THADA: variants seen among roughly 807,000 people sequenced by gnomAD.
THADA encodes the protein THADA armadillo repeat containing, also known as tRNA (32-2'-O)-methyltransferase regulator THADA.
Under a neutral mutation model 219.8 loss-of-function variants are expected in THADA, and 213 were observed. That is an observed-to-expected ratio of 0.97 (90% CI 0.87 to 1.09). THADA has a LOEUF of 1.09. Among genes scored for constraint, THADA ranks in the 50% least tolerant of loss-of-function variants. The pLI is 0.00. For missense variants in THADA, 2,956 were observed against 2,311.3 expected (o/e 1.28, Z -5.72); for synonymous variants, 1,018 against 828.9 (o/e 1.23, Z -3.92).
intron 12 of THADA, 89 bp from the exon 13 acceptor site, chr2:43,571,951 A>G: frequency 7.8e-7 from 1 of 1,277,630 alleles, no homozygotes; most frequent in Non-Finnish European, 1.1e-6. Flanking sequence ...TAGGCTACAA[A>G]AGGAAAAAAG....
chr2:43,500,592 AT>A (rs1229207928), intron 24 of THADA, among the ~76,000 whole-genome samples: 3 of 152,226 alleles, frequency 2.0e-5, no homozygotes, highest in Non-Finnish European at 4.4e-5. Flanking sequence ...GATGCAAAAA[AT>A]ATTCAATAAA....
In THADA at chr2:43,287,071, C is replaced by T. The variant is rs762574355; in HGVS notation, c.5011-10G>A. On this transcript the variant is annotated splice_polypyrimidine_tract_variant and intron_variant, in intron 34 of 37. Transcript: ENST00000405975. ...CTATCAATTCCCTGTTCTAAAAGCA[C>T]AAAATGTACCTATCAGTAGTTCAGA... The T allele has an allele frequency of 6.2e-7, 1 of 1,607,886 alleles. No individual in the cohort carries two copies. Among genetic ancestry groups the T allele is most frequent in the Non-Finnish European group, 8.5e-7 (1 of 1,176,216 alleles).
chr2:43,303,075 A>G (rs1676447093), intron 31 of THADA, among the ~76,000 whole-genome samples: 1 of 152,208 alleles, frequency 6.6e-6, no homozygotes, highest in Non-Finnish European at 1.5e-5. Context: ...AGAAGTTGAT[A>G]AAAGCTTCTT....
chr2:43,274,875 C>T lies in THADA; in HGVS notation c.5296+4890G>A, dbSNP rs6712177. ...AAGTTTCTACCAAGAAGTCATCCTTCTTGAACCAAAACACTGACAACAGGC... is the reference window on the plus strand; with the variant it reads ...AAGTTTCTACCAAGAAGTCATCCTTTTTGAACCAAAACACTGACAACAGGC... On this transcript the variant is annotated intron_variant, in intron 36 of 37. Coordinates refer to ENST00000405975, the MANE Select transcript of THADA (RefSeq NM_022065.5). Among the ~76,000 whole-genome samples, 5 of 152,222 alleles carry T rather than the reference C, an allele frequency of 3.3e-5. No homozygotes were observed. In the East Asian group the frequency reaches 9.7e-4, roughly 29 times the overall value.
intron 26 of THADA, among the ~76,000 whole-genome samples, chr2:43,441,890 C>G (rs1442005486): frequency 1.3e-5 from 2 of 152,100 alleles, no homozygotes; most frequent in Admixed American, 6.5e-5. Flanking sequence ...ACAAAAGTAG[C>G]AAATATTTTT....
chr2:43,267,533 G>A (rs1040074857), intron 36 of THADA, among the ~76,000 whole-genome samples: 2 of 152,210 alleles, frequency 1.3e-5, no homozygotes, highest in Non-Finnish European at 2.9e-5. Flanking sequence ...CTCAACACAC[G>A]ATTTCTGAGC....
intron 30 of THADA, chr2:43,343,585 T>G (rs899532352): frequency 6.6e-6 from 1 of 152,662 alleles, no homozygotes; most frequent in African/African-American, 2.4e-5. Flanking sequence ...GTAAATGTTC[T>G]AAGTTCCAGG....
intron 29 of THADA, among the ~76,000 whole-genome samples, chr2:43,388,393 G>A (rs565708327): frequency 6.6e-6 from 1 of 152,280 alleles, no homozygotes; most frequent in South Asian, 2.1e-4. Context: ...ATGGCTCGCA[G>A]GGGATGGAAA....
intron 20 of THADA, among the ~76,000 whole-genome samples, chr2:43,544,009 A>T (rs1467378036): frequency 1.3e-5 from 2 of 152,170 alleles, no homozygotes; most frequent in Non-Finnish European, 2.9e-5. Context: ...TTTTAGGTCT[A>T]AAGTTTAAGT....
chr2:43,265,587 C>A (rs1195698816), intron 36 of THADA, among the ~76,000 whole-genome samples: 1 of 152,138 alleles, frequency 6.6e-6, no homozygotes, highest in East Asian at 1.9e-4. Flanking sequence ...AGGTTCCCAG[C>A]CAGTCTGCCT....
chr2:43,236,876 A>G (rs1452241696), intron 36 of THADA, among the ~76,000 whole-genome samples: 2 of 150,320 alleles, frequency 1.3e-5, no homozygotes, highest in South Asian at 2.1e-4. Context: ...CCTGGCTAAC[A>G]TAGTGAAACC....
intron 28 of THADA, among the ~76,000 whole-genome samples, chr2:43,426,938 G>A (rs1374468710): frequency 6.6e-6 from 1 of 152,110 alleles, no homozygotes; most frequent in East Asian, 1.9e-4. Context: ...AATACTTCTT[G>A]GAGGCCTACA....
At chr2:43,505,523 C>CA in intron 24 of THADA, 99 bp downstream of exon 24, 1 of 876,984 alleles carries the variant, frequency 1.1e-6, no homozygotes, top group Non-Finnish European at 1.8e-6. Context: ...CACTGTACTC[C>CA]AGCCTGGGTA....
Position 43,357,034 on chromosome 2 carries a change from C to T in THADA, c.4228-12797G>A, listed in dbSNP as rs565606597. 2.0e-5 allele frequency among the ~76,000 whole-genome samples: 3 copies of T among 152,306 alleles called. No individual in the cohort carries two copies. The South Asian group carries it at 6.2e-4, about 32-fold the overall frequency. Reference sequence around the variant, plus strand: ...TAAATTACTTTGTGCTAGTAATTCACATAATGTCTGACAGATGGCAAGTGT... The same window carrying T: ...TAAATTACTTTGTGCTAGTAATTCATATAATGTCTGACAGATGGCAAGTGT... On this transcript the variant is annotated intron_variant, in intron 29 of 37. Coordinates refer to ENST00000405975, the MANE Select transcript of THADA (RefSeq NM_022065.5).
At chr2:43,397,378 TAA>T (rs1226088145) in intron 29 of THADA, among the ~76,000 whole-genome samples, 1 of 152,240 alleles carries the variant, frequency 6.6e-6, no homozygotes, top group African/African-American at 2.4e-5. Context: ...GCAGTTTCAG[TAA>T]AAAGTCTCTT....
chr2:43,453,639 T>C (rs574662300), intron 26 of THADA, among the ~76,000 whole-genome samples: 40 of 152,242 alleles, frequency 2.6e-4, no homozygotes, highest in Admixed American at 9.2e-4. Context: ...CAAACGCTGG[T>C]TTTTTAAAGT....
At chr2:43,533,664 C>A (rs1410278996) in intron 21 of THADA, among the ~76,000 whole-genome samples, 1 of 152,180 alleles carries the variant, frequency 6.6e-6, no homozygotes, top group Non-Finnish European at 1.5e-5. Context: ...ACCACATGTT[C>A]TCATTCATAA....
intron 27 of THADA, among the ~76,000 whole-genome samples, chr2:43,429,751 T>C (rs1326043279): frequency 3.3e-5 from 5 of 151,796 alleles, no homozygotes; most frequent in Non-Finnish European, 7.4e-5. Context: ...TAACATAAAA[T>C]AGCATTTTTA....
rs781759372 is a variant in THADA, at chr2:43,590,970, T to C, written c.172-16A>G. On this transcript the variant is annotated splice_polypyrimidine_tract_variant and intron_variant, in intron 3 of 37. Coordinates refer to ENST00000405975, the MANE Select transcript of THADA (RefSeq NM_022065.5). Reference sequence around the variant, plus strand: ...GAGGCACAATCTATAATACAAAACATTGAAGTAATTTTTATAATATCAAAT... The same window carrying C: ...GAGGCACAATCTATAATACAAAACACTGAAGTAATTTTTATAATATCAAAT... 1.5e-5 allele frequency: 24 copies of C among 1,601,226 alleles called. No homozygotes were observed. The highest frequency in any genetic ancestry group is 1.1e-5 in the South Asian group (1 of 88,720).
Sources: allele counts gnomAD v4.1 joint callset (sites outside exome capture counted in the v4.1 genomes callset), GRCh38; gene constraint gnomAD v4.1.1; transcripts MANE v1.5; gene names NCBI Gene and HGNC (gene_info 2026-07-23, HGNC 2026-07-21).